The following HIGD1C variants were observed in gnomAD, a reference collection of about 807,000 sequenced individuals.
The protein encoded by HIGD1C is HIG1 hypoxia inducible domain family member 1C.
A neutral mutation model predicts 13.1 loss-of-function variants in HIGD1C; 11 were observed. The observed-to-expected ratio is 0.84, with a 90% CI of 0.53 to 1.39. The LOEUF (loss-of-function observed/expected upper bound fraction) is 1.39. HIGD1C is among the 40% of genes most tolerant of loss of function. The pLI, the probability that HIGD1C is intolerant of heterozygous loss-of-function variation, is 0.00. For missense variants in HIGD1C, 110 were observed against 112.0 expected (o/e 0.98, Z 0.08); for synonymous variants, 36 against 37.7 (o/e 0.95, Z 0.17).
intron 2 of HIGD1C, among the ~76,000 whole-genome samples, 171 bp from the exon 5 acceptor site, chr12:50,970,271 G>GT (rs1330488869): frequency 6.6e-6 from 1 of 151,842 alleles, no homozygotes; most frequent in Non-Finnish European, 1.5e-5. Context: ...TTTGTTTTTT[G>GT]TTTTTTTCTA....
chr12:50,949,424 T>C (rs1434390556), upstream of HIGD1C: 2 of 151,930 alleles, frequency 1.3e-5, no homozygotes, highest in Non-Finnish European at 2.9e-5. Context: ...CAGACTGCCC[T>C]GGTTATTCTA....
At chr12:50,971,853 A>G (rs1476387636), downstream of HIGD1C, among the ~76,000 whole-genome samples, 2 of 152,252 alleles carry the variant, frequency 1.3e-5, no homozygotes, top group African/African-American at 2.4e-5. Flanking sequence ...GTAAGAATAT[A>G]TGAAAATATG....
chr12:50,944,448 G>C, the HIGD1C span, among the ~76,000 whole-genome samples: 1 of 152,174 alleles, frequency 6.6e-6, no homozygotes, highest in African/African-American at 2.4e-5. Context: ...TTGAGGTTGG[G>C]AGTTCAAGAT....
At chr12:50,962,248 C>T (rs1423235420) in intron 2 of HIGD1C, among the ~76,000 whole-genome samples, 2 of 151,566 alleles carry the variant, frequency 1.3e-5, no homozygotes, top group Non-Finnish European at 1.5e-5. Context: ...CACACACACA[C>T]ACACACACAA....
intron 2 of HIGD1C, among the ~76,000 whole-genome samples, chr12:50,962,264 C>T (rs1446647374): frequency 6.6e-6 from 1 of 150,532 alleles, no homozygotes; most frequent in Non-Finnish European, 1.5e-5. Context: ...CACAAAATAG[C>T]TGGGTGTGGT....
intron 2 of HIGD1C, among the ~76,000 whole-genome samples, chr12:50,961,481 C>T (rs192844956): frequency 6.6e-6 from 1 of 151,932 alleles, no homozygotes; most frequent in Admixed American, 6.6e-5. Flanking sequence ...CCTATCTGAA[C>T]AGCAAATGTA....
At chr12:50,942,442 C>T in the HIGD1C span, among the ~76,000 whole-genome samples, 1 of 152,220 alleles carries the variant, frequency 6.6e-6, no homozygotes, top group Non-Finnish European at 1.5e-5. Flanking sequence ...GCTTAACTGG[C>T]CTCCAGTCTG....
At chr12:50,941,288 T>A in the HIGD1C span, among the ~76,000 whole-genome samples, 2 of 152,324 alleles carry the variant, frequency 1.3e-5, no homozygotes, top group African/African-American at 2.4e-5. Flanking sequence ...GCACTCAGCC[T>A]GCCCCAATTT....
At chr12:50,945,098 C>G in the HIGD1C span, among the ~76,000 whole-genome samples, 1 of 152,112 alleles carries the variant, frequency 6.6e-6, no homozygotes, top group Non-Finnish European at 1.5e-5. Context: ...ATAATAAGAG[C>G]TATTTATGAC....
In HIGD1C at chr12:50,965,459, T is replaced by C. The variant is rs193188180; in HGVS notation, c.229+4357T>C. ...ATTTTTCCTTCCACTTGGTATTTCCTACTATAATAGCCCTTACTTTGCAGG... is the reference window on the plus strand; with the variant it reads ...ATTTTTCCTTCCACTTGGTATTTCCCACTATAATAGCCCTTACTTTGCAGG... On this transcript the variant is annotated intron_variant, in intron 2 of 2. Coordinates refer to ENST00000398455, the Ensembl canonical transcript of HIGD1C. 4.3e-4 allele frequency among the ~76,000 whole-genome samples: 65 copies of C among 152,208 alleles called. 1 individual carries two copies. The East Asian group carries it at 9.7e-3, about 23-fold the overall frequency.
At chr12:50,944,803 C>T in the HIGD1C span, among the ~76,000 whole-genome samples, 4 of 152,134 alleles carry the variant, frequency 2.6e-5, no homozygotes, top group Non-Finnish European at 5.9e-5. Flanking sequence ...AGGAGAATCG[C>T]TTGAACCTGG....
At chr12:50,937,903 G>A in the HIGD1C span, among the ~76,000 whole-genome samples, 1 of 152,272 alleles carries the variant, frequency 6.6e-6, no homozygotes, top group African/African-American at 2.4e-5. Context: ...AGTGCATGCT[G>A]ATGGGTCCAT....
At chr12:50,955,912 A>C (rs1309607297) in intron 1 of HIGD1C, among the ~76,000 whole-genome samples, 1 of 152,234 alleles carries the variant, frequency 6.6e-6, no homozygotes, top group Non-Finnish European at 1.5e-5. Context: ...ATTTAGGATG[A>C]TTAAAGTGGA....
At chr12:50,957,804 G>T (rs1301570395) in intron 1 of HIGD1C, among the ~76,000 whole-genome samples, 1 of 151,998 alleles carries the variant, frequency 6.6e-6, no homozygotes, top group East Asian at 1.9e-4. Flanking sequence ...AGAATCGCTT[G>T]AACCCTGGAG....
downstream of HIGD1C, among the ~76,000 whole-genome samples, chr12:50,972,122 C>T (rs571579527): frequency 2.2e-4 from 34 of 152,314 alleles, no homozygotes; most frequent in Admixed American, 7.8e-4. Context: ...CTGAGGACAG[C>T]TGGCATGGAA....
the HIGD1C span, among the ~76,000 whole-genome samples, chr12:50,944,392 C>T: frequency 2.0e-5 from 3 of 152,182 alleles, no homozygotes; most frequent in African/African-American, 7.2e-5. Flanking sequence ...TCACTCACAT[C>T]TGTAATGAAT....
chr12:50,966,907 G>C (rs924432608), intron 2 of HIGD1C, among the ~76,000 whole-genome samples: 2 of 152,106 alleles, frequency 1.3e-5, no homozygotes, highest in African/African-American at 4.8e-5. Context: ...TTTGAGGTCA[G>C]GAGTTCGAGA....
chr12:50,970,584 G>T (rs1939727642), downstream of HIGD1C: 2 of 866,074 alleles, frequency 2.3e-6, no homozygotes, highest in African/African-American at 3.4e-5. Flanking sequence ...TCAATATGTA[G>T]CAAATTTTAC....
At chr12:50,950,101 TCA>T (rs1938861822), upstream of HIGD1C, among the ~76,000 whole-genome samples, 11 of 152,074 alleles carry the variant, frequency 7.2e-5, no homozygotes, top group African/African-American at 2.4e-4. Flanking sequence ...TAAGGACACC[TCA>T]CGGGTGACAG....
Sources: allele counts gnomAD v4.1 joint callset (sites outside exome capture counted in the v4.1 genomes callset), GRCh38; gene constraint gnomAD v4.1.1; transcripts MANE v1.5; gene names NCBI Gene and HGNC (gene_info 2026-07-23, HGNC 2026-07-21).